Variants in EEPD1 observed in about 807,000 individuals in gnomAD.
The protein encoded by EEPD1 is endonuclease/exonuclease/phosphatase family domain containing 1, also known as endonuclease/exonuclease/phosphatase family domain-containing protein 1.
Under a neutral mutation model 46.3 loss-of-function variants are expected in EEPD1, and 17 were observed. The observed-to-expected ratio is 0.37, with a 90% CI of 0.25 to 0.55. EEPD1 has a LOEUF of 0.55. Ranked by LOEUF, EEPD1 falls within the 20% of genes least tolerant of loss-of-function variation. The pLI is 0.83. For missense variants in EEPD1, 673 were observed against 745.6 expected (o/e 0.90, Z 1.13); for synonymous variants, 313 against 315.6 (o/e 0.99, Z 0.09).
intron 2 of EEPD1, among the ~76,000 whole-genome samples, chr7:36,161,477 G>C (rs1784900303): frequency 1.3e-5 from 2 of 152,052 alleles, no homozygotes; most frequent in Admixed American, 1.3e-4. Context: ...AGTCTGAGAG[G>C]AAGGAGTGTA....
At chr7:36,213,039 G>A (rs1468255039) in intron 2 of EEPD1, among the ~76,000 whole-genome samples, 4 of 152,324 alleles carry the variant, frequency 2.6e-5, no homozygotes, top group African/African-American at 4.8e-5. Context: ...TGTAATCCCA[G>A]CTACTTGGGA....
chr7:36,256,132 G>T (rs1786825727), intron 3 of EEPD1, among the ~76,000 whole-genome samples: 1 of 152,182 alleles, frequency 6.6e-6, no homozygotes, highest in Admixed American at 6.5e-5. Context: ...TAGCTGTGTG[G>T]TTTTGTGTGA....
chr7:36,258,895 A>C (rs976497307), intron 3 of EEPD1, among the ~76,000 whole-genome samples: 3 of 151,304 alleles, frequency 2.0e-5, no homozygotes, highest in African/African-American at 7.3e-5. Flanking sequence ...GAAAAAAAAA[A>C]AAAAAAAAAC....
At chr7:36,250,418 C>A (rs1786717937) in intron 3 of EEPD1, among the ~76,000 whole-genome samples, 1 of 152,110 alleles carries the variant, frequency 6.6e-6, no homozygotes, top group African/African-American at 2.4e-5. Context: ...TGGAGCTGCC[C>A]TGAGTGGCCC....
intron 2 of EEPD1, among the ~76,000 whole-genome samples, chr7:36,184,877 C>G (rs538256118): frequency 5.3e-5 from 8 of 152,132 alleles, no homozygotes; most frequent in African/African-American, 1.9e-4. Context: ...ACTACAGGCA[C>G]GTGCCACCAT....
chr7:36,282,959 G>A (rs1787283606), intron 4 of EEPD1, among the ~76,000 whole-genome samples: 8 of 152,202 alleles, frequency 5.3e-5, no homozygotes, highest in Admixed American at 5.2e-4. Context: ...GGTTGAAAAT[G>A]TTCAATCTCT....
chr7:36,249,158 G>C (rs1347877436), intron 3 of EEPD1, among the ~76,000 whole-genome samples: 3 of 152,002 alleles, frequency 2.0e-5, no homozygotes, highest in Admixed American at 2.0e-4. Flanking sequence ...TCCCCAAACA[G>C]GACTTTTAAA....
chr7:36,163,291 A>G (rs1247737163), intron 2 of EEPD1, among the ~76,000 whole-genome samples: 3 of 150,618 alleles, frequency 2.0e-5, no homozygotes, highest in Non-Finnish European at 4.4e-5. Context: ...GTGATTCCCA[A>G]TCTTTTAAAG....
chr7:36,286,875 G>A (rs931471031), intron 5 of EEPD1, among the ~76,000 whole-genome samples: 8 of 152,074 alleles, frequency 5.3e-5, no homozygotes, highest in Non-Finnish European at 1.2e-4. Flanking sequence ...CACTATGTTG[G>A]CCAAGCTGGT....
intron 2 of EEPD1, among the ~76,000 whole-genome samples, chr7:36,199,305 A>G (rs939616547): frequency 3.3e-5 from 5 of 152,126 alleles, no homozygotes; most frequent in African/African-American, 1.2e-4. Context: ...TGTCTTGGTG[A>G]TAAGAATTTT....
At chr7:36,160,536 G>C (rs929832123) in intron 2 of EEPD1, among the ~76,000 whole-genome samples, 5 of 151,900 alleles carry the variant, frequency 3.3e-5, no homozygotes, top group African/African-American at 9.7e-5. Flanking sequence ...TGGCGGGTGG[G>C]TGGGGCCGCA....
At chr7:36,287,326 G>C (rs999505934) in intron 5 of EEPD1, among the ~76,000 whole-genome samples, 5 of 150,042 alleles carry the variant, frequency 3.3e-5, no homozygotes, top group South Asian at 4.2e-4. Context: ...ATATAGGACT[G>C]CTTAGAAAGA....
At chr7:36,185,648 G>C (rs4236343) in intron 2 of EEPD1, among the ~76,000 whole-genome samples, 101,680 of 152,002 alleles carry the variant, frequency 0.67, 34,831 homozygotes, top group East Asian at 0.79. Context: ...CCATCATGTT[G>C]CTACTCTAGG....
At chr7:36,201,043 T>A (rs1304135202) in intron 2 of EEPD1, among the ~76,000 whole-genome samples, 1 of 152,162 alleles carries the variant, frequency 6.6e-6, no homozygotes, top group African/African-American at 2.4e-5. Context: ...AGTAAAATCT[T>A]ATGTCTGTGG....
chr7:36,163,666 T>C (rs949661285), intron 2 of EEPD1, among the ~76,000 whole-genome samples: 1 of 152,056 alleles, frequency 6.6e-6, no homozygotes, highest in Non-Finnish European at 1.5e-5. Flanking sequence ...GATCATGAGG[T>C]CAGGAGATCG....
intron 2 of EEPD1, among the ~76,000 whole-genome samples, chr7:36,163,119 A>G (rs1442790154): frequency 1.3e-5 from 2 of 150,644 alleles, no homozygotes; most frequent in East Asian, 2.0e-4. Flanking sequence ...TTAGCAGTTT[A>G]TGTTTCTTGA....
chr7:36,284,669 C>A lies in EEPD1; in HGVS notation c.1042-17C>A. On this transcript the variant is annotated splice_polypyrimidine_tract_variant and intron_variant, in intron 4 of 7. Transcript: ENST00000242108. ...TAGGGCTCTGGCACCAAGACTCTGTCTCCCTCTCCGCTGCAGGGAGCTGGG... is the reference window on the plus strand; with the variant it reads ...TAGGGCTCTGGCACCAAGACTCTGTATCCCTCTCCGCTGCAGGGAGCTGGG... 1 of 1,608,300 alleles carries A rather than the reference C, an allele frequency of 6.2e-7. No individual in the cohort carries two copies. Among genetic ancestry groups the A allele is most frequent in the Non-Finnish European group, 8.5e-7 (1 of 1,177,408 alleles).
chr7:36,261,777 A>G (rs1468935129), intron 3 of EEPD1, among the ~76,000 whole-genome samples: 3 of 152,238 alleles, frequency 2.0e-5, no homozygotes, highest in Non-Finnish European at 2.9e-5. Context: ...TTCTCAGCAG[A>G]TAAAATTATC....
intron 2 of EEPD1, among the ~76,000 whole-genome samples, chr7:36,185,269 T>G (rs188523087): frequency 8.5e-5 from 13 of 152,260 alleles, no homozygotes; most frequent in African/African-American, 2.4e-4. Context: ...TGCAGCTTGC[T>G]TTCTGTTTCA....
Sources: allele counts gnomAD v4.1 joint callset (sites outside exome capture counted in the v4.1 genomes callset), GRCh38; gene constraint gnomAD v4.1.1; transcripts MANE v1.5; gene names NCBI Gene and HGNC (gene_info 2026-07-23, HGNC 2026-07-21).